Variants in PPP2R2C observed in about 807,000 individuals in gnomAD.
PPP2R2C encodes protein phosphatase 2, regulatory subunit B, gamma.
A neutral mutation model predicts 45.3 loss-of-function variants in PPP2R2C; 10 were observed. That is an observed-to-expected ratio of 0.22 (90% CI 0.14 to 0.37). The LOEUF is 0.37. PPP2R2C is among the 10% of genes least tolerant of loss of function. The pLI is 1.00. For missense variants in PPP2R2C, 308 were observed against 619.7 expected (o/e 0.50, Z 5.34); for synonymous variants, 257 against 245.4 (o/e 1.05, Z -0.44).
At chr4:6,458,634 C>T (rs1170420536) in intron 1 of PPP2R2C, among the ~76,000 whole-genome samples, 1 of 152,170 alleles carries the variant, frequency 6.6e-6, no homozygotes, top group South Asian at 2.1e-4. Flanking sequence ...AGCACAACTA[C>T]ATGCTTTGCT....
At chr4:6,450,513 C>A (rs1240596240) in intron 1 of PPP2R2C, among the ~76,000 whole-genome samples, 1 of 152,074 alleles carries the variant, frequency 6.6e-6, no homozygotes, top group African/African-American at 2.4e-5. Flanking sequence ...TGGGTCAGCT[C>A]GGGGGGTTCC....
intron 2 of PPP2R2C, among the ~76,000 whole-genome samples, chr4:6,532,704 C>T (rs949754666): frequency 4.6e-5 from 7 of 152,216 alleles, no homozygotes; most frequent in African/African-American, 1.4e-4. Context: ...TGTCTGAAGG[C>T]ACCTGTTCTT....
At chr4:6,492,008 C>A (rs1397474947) in intron 2 of PPP2R2C, among the ~76,000 whole-genome samples, 1 of 152,230 alleles carries the variant, frequency 6.6e-6, no homozygotes, top group African/African-American at 2.4e-5. Context: ...GAGTAAACTA[C>A]TGTCCTCCAG....
At chr4:6,381,669 C>T (rs1266006708) in intron 1 of PPP2R2C, 11 of 1,514,046 alleles carry the variant, frequency 7.3e-6, no homozygotes, top group East Asian at 4.6e-5. Context: ...AATCTCTGCT[C>T]GCAGAAGCGA....
intron 1 of PPP2R2C, among the ~76,000 whole-genome samples, chr4:6,541,920 T>G (rs1376852739): frequency 6.6e-6 from 1 of 152,216 alleles, no homozygotes; most frequent in Non-Finnish European, 1.5e-5. Context: ...GAGCTACTGA[T>G]TCCCTCGCTG....
At chr4:6,366,466 G>A (rs1426812794) in intron 5 of PPP2R2C, among the ~76,000 whole-genome samples, 1 of 152,222 alleles carries the variant, frequency 6.6e-6, no homozygotes, top group Admixed American at 6.5e-5. Flanking sequence ...AGTCCTATGT[G>A]GAGCAGGGGA....
Position 6,554,777 on chromosome 4 carries a change from T to C in PPP2R2C, c.-59+8783A>G, listed in dbSNP as rs528961223. 3.1e-3 allele frequency among the ~76,000 whole-genome samples: 465 copies of C among 151,118 alleles called. 3 individuals are homozygous for C. The highest frequency in any genetic ancestry group is 0.011 in the African/African-American group (448 of 41,080). ...GAGGAAGCTGAGGCACGAGAATCGCTTGAACCCAGGAAGCAGAGATTGCAG... is the reference window on the plus strand; with the variant it reads ...GAGGAAGCTGAGGCACGAGAATCGCCTGAACCCAGGAAGCAGAGATTGCAG... On this transcript the variant is annotated intron_variant, in intron 1 of 9. Coordinates refer to the PPP2R2C transcript ENST00000506140.
chr4:6,439,549 C>T (rs1720047736), intron 1 of PPP2R2C, among the ~76,000 whole-genome samples: 2 of 152,168 alleles, frequency 1.3e-5, no homozygotes, highest in Admixed American at 1.3e-4. Flanking sequence ...TGATGGATGG[C>T]TCTGGTCAGT....
At chr4:6,341,071 G>A (rs1436183356) in intron 6 of PPP2R2C, among the ~76,000 whole-genome samples, 2 of 152,238 alleles carry the variant, frequency 1.3e-5, no homozygotes, top group African/African-American at 4.8e-5. Flanking sequence ...GTGGGGGGCG[G>A]TGGCTCACGC....
intron 1 of PPP2R2C, among the ~76,000 whole-genome samples, chr4:6,550,525 G>T (rs1025774672): frequency 8.5e-5 from 13 of 152,162 alleles, no homozygotes; most frequent in African/African-American, 3.1e-4. Context: ...CATTCTTCTA[G>T]CTTAATATCT....
chr4:6,382,441 C>T, intron 1 of PPP2R2C: 1 of 1,352,080 alleles, frequency 7.4e-7, no homozygotes, highest in Non-Finnish European at 9.8e-7. Context: ...CCTCTGGCGG[C>T]CAACGTGATG....
At chr4:6,462,050 C>G (rs950891112) in intron 1 of PPP2R2C, among the ~76,000 whole-genome samples, 1 of 152,224 alleles carries the variant, frequency 6.6e-6, no homozygotes, top group Non-Finnish European at 1.5e-5. Flanking sequence ...GACAACTTGC[C>G]CAAGATCACT....
At chr4:6,361,293 C>T (rs1211522993) in intron 5 of PPP2R2C, among the ~76,000 whole-genome samples, 3 of 152,236 alleles carry the variant, frequency 2.0e-5, no homozygotes, top group African/African-American at 7.2e-5. Context: ...GTGAGTCCAT[C>T]TTCACAGCTC....
chr4:6,533,083 C>T (rs985109799), intron 2 of PPP2R2C, among the ~76,000 whole-genome samples: 2 of 152,168 alleles, frequency 1.3e-5, no homozygotes, highest in Non-Finnish European at 2.9e-5. Context: ...ACACAGAATT[C>T]GGAAAGGCTG....
At chr4:6,372,399 C>T (rs970536204) in intron 5 of PPP2R2C, 124 bp downstream of exon 5, 4 of 1,010,886 alleles carry the variant, frequency 4.0e-6, no homozygotes, top group Non-Finnish European at 5.8e-6. Flanking sequence ...AGAGGTGCCT[C>T]ACTGAAGAAG....
chr4:6,493,668 TCCACACCCG>T (rs1192004534), intron 2 of PPP2R2C, among the ~76,000 whole-genome samples: 1 of 151,802 alleles, frequency 6.6e-6, no homozygotes, highest in Non-Finnish European at 1.5e-5. Context: ...TAGCCAGCTC[TCCACACCCG>T]CAGCGGAACA....
At chr4:6,369,527 G>A (rs142519912) in intron 5 of PPP2R2C, among the ~76,000 whole-genome samples, 45 of 152,314 alleles carry the variant, frequency 3.0e-4, no homozygotes, top group Non-Finnish European at 6.2e-4. Flanking sequence ...GGAAGCACAC[G>A]TGGCATGTGG....
chr4:6,539,237 C>T (rs1381654204), intron 1 of PPP2R2C, among the ~76,000 whole-genome samples: 2 of 152,002 alleles, frequency 1.3e-5, no homozygotes, highest in Non-Finnish European at 2.9e-5. Context: ...TGGGATGAGG[C>T]TTCCACAAGC....
At chr4:6,369,376 G>T (rs1390953090) in intron 5 of PPP2R2C, among the ~76,000 whole-genome samples, 1 of 152,222 alleles carries the variant, frequency 6.6e-6, no homozygotes, top group Non-Finnish European at 1.5e-5. Context: ...CGTTATGGTT[G>T]AGGCTACCTC....
Sources: allele counts gnomAD v4.1 joint callset (sites outside exome capture counted in the v4.1 genomes callset), GRCh38; gene constraint gnomAD v4.1.1; transcripts MANE v1.5; gene names NCBI Gene and HGNC (gene_info 2026-07-23, HGNC 2026-07-21).